ANAPC2: variants seen among roughly 807,000 people sequenced by gnomAD.
The protein encoded by ANAPC2 is anaphase promoting complex subunit 2.
ANAPC2 carries 29 observed loss-of-function variants against 84.3 expected under a neutral mutation model. The observed-to-expected ratio is 0.34, with a 90% CI of 0.26 to 0.47. ANAPC2 has a LOEUF of 0.47. ANAPC2 is among the 20% of genes least tolerant of loss of function. The pLI, the probability that ANAPC2 is intolerant of heterozygous loss-of-function variation, is 1.00. For missense variants in ANAPC2, 857 were observed against 1,131.7 expected (o/e 0.76, Z 3.48); for synonymous variants, 571 against 479.4 (o/e 1.19, Z -2.50).
chr9:137,181,562 C>CT, intron 7 of ANAPC2, 119 bp downstream of exon 7: 1 of 1,179,712 alleles, frequency 8.5e-7, no homozygotes, highest in African/African-American at 1.6e-5. Flanking sequence ...CCTCAAGCCT[C>CT]TGAGACACTA....
At chr9:137,185,278 C>T (rs777533553) in intron 3 of ANAPC2, among the ~76,000 whole-genome samples, 191 bp from the exon 4 acceptor site, 1 of 152,222 alleles carries the variant, frequency 6.6e-6, no homozygotes, top group Non-Finnish European at 1.5e-5. Flanking sequence ...GGCGACGTCC[C>T]GGCCCCCCTG....
intron 7 of ANAPC2, among the ~76,000 whole-genome samples, chr9:137,181,335 C>A (rs533071291): frequency 1.3e-5 from 2 of 152,224 alleles, no homozygotes; most frequent in Non-Finnish European, 2.9e-5. Flanking sequence ...GGCACCCTAA[C>A]GGGACTTTGA....
intron 10 of ANAPC2, chr9:137,176,770 TG>T (rs1213213977): frequency 6.6e-6 from 1 of 152,266 alleles, no homozygotes; most frequent in African/African-American, 2.4e-5. Flanking sequence ...GGCTGGCTGC[TG>T]CTCTGCTGTT....
chr9:137,183,781 G>C lies in ANAPC2; in HGVS notation c.1059C>G (p.Asp353Glu), dbSNP rs761381225. The change falls in exon 5 of 13, where the codon GAC becomes GAG. Residue 353 changes from aspartate (D) to glutamate (E), a missense_variant. Asp to Glu is a conservative substitution (Grantham distance 45). Coordinates refer to ENST00000323927, the MANE Select transcript of ANAPC2 (RefSeq NM_013366.4). ...ELFSIVRDFPDSRPAIEDLKY... is the reference protein window; with the variant it reads ...ELFSIVRDFPESRPAIEDLKY... ...TGAGGTCCTCGATGGCTGGCCGGGA[G>C]TCTGGGAAGTCTACAAGAAGAAGAA... 47 of 1,613,112 alleles carry C rather than the reference G, an allele frequency of 2.9e-5. No homozygotes were observed. The highest frequency in any genetic ancestry group is 4.0e-5 in the Non-Finnish European group (47 of 1,179,870).
intron 2 of ANAPC2, chr9:137,186,638 G>A (rs1834475926): frequency 2.2e-6 from 1 of 463,860 alleles, no homozygotes; most frequent in East Asian, 3.3e-5. Flanking sequence ...ATCAGTGGCA[G>A]CAGGTGTGGC....
At chr9:137,175,554 G>A (rs1834190418) in intron 11 of ANAPC2, 82 bp from the exon 12 acceptor site, 2 of 1,479,712 alleles carry the variant, frequency 1.4e-6, no homozygotes. Context: ...AGAGGTCGGG[G>A]GGCTCCCGGG....
At chr9:137,179,254 G>A (rs1029900699) in intron 10 of ANAPC2, among the ~76,000 whole-genome samples, 1 of 152,098 alleles carries the variant, frequency 6.6e-6, no homozygotes, top group Non-Finnish European at 1.5e-5. Context: ...CCAGTCCTGA[G>A]CACTCGCTGG....
Position 137,187,563 on chromosome 9 carries a change from G to A in ANAPC2, c.658C>T (p.Leu220=). 6.2e-7 allele frequency: 1 copy of A among 1,613,912 alleles called. No homozygotes were observed. The highest frequency in any genetic ancestry group is 8.5e-7 in the Non-Finnish European group (1 of 1,180,034). ...RRYYRLLQSP[L]CAGCSSDKQQ... The stretch of plus-strand genomic sequence containing the variant: ...TTGTCACTGCTGCACCCTGCACACA[G>A]CGGGCTCTGCAGGAGCCGGTAGTAC... The change falls in exon 2 of 13, where the codon CTG becomes TTG. Residue 220 remains leucine, a synonymous_variant. Transcript: ENST00000323927.
chr9:137,181,168 G>C (rs1051864567), intron 7 of ANAPC2, among the ~76,000 whole-genome samples: 1 of 152,222 alleles, frequency 6.6e-6, no homozygotes, highest in Non-Finnish European at 1.5e-5. Flanking sequence ...GCAGGCTTAG[G>C]GGACAAGCCA....
chr9:137,180,311 G>A lies in ANAPC2; in HGVS notation c.1760C>T (p.Pro587Leu). Residue 587 changes from proline (P) to leucine (L), a missense_variant, in exon 10 of 13, where the codon CCA becomes CTA. Physicochemically the swap from Pro to Leu is moderately conservative, Grantham distance 98 (BLOSUM62 -3). Coordinates refer to ENST00000323927, the MANE Select transcript of ANAPC2 (RefSeq NM_013366.4). ...EDEKRPAEEQ[P>L]PFGVYAVILS... ...GATGACAGCGTAGACCCCGAACGGT[G>A]GCTGCTCCTCTGCTGGCCGCTTCTC... 1 of 1,613,452 alleles carries A rather than the reference G, an allele frequency of 6.2e-7. No individual in the cohort carries two copies. The highest frequency in any genetic ancestry group is 2.2e-5 in the East Asian group (1 of 44,888).
At chr9:137,183,283 G>A (rs1834382588) in intron 5 of ANAPC2, 41 bp from the exon 6 acceptor site, 1 of 1,523,722 alleles carries the variant, frequency 6.6e-7, no homozygotes, top group African/African-American at 1.4e-5. Flanking sequence ...CAGTGCCCGG[G>A]ACCACAGCCT....
intron 3 of ANAPC2, 111 bp downstream of exon 3, chr9:137,186,113 G>T: frequency 1.3e-6 from 2 of 1,484,326 alleles, no homozygotes; most frequent in South Asian, 1.3e-5. Flanking sequence ...CACCCGGTCT[G>T]GGCCCACCCA....
At chr9:137,180,600 G>A (rs1461795921) in intron 8 of ANAPC2, 73 bp from the exon 9 acceptor site, 13 of 1,596,400 alleles carry the variant, frequency 8.1e-6, no homozygotes, top group Non-Finnish European at 1.1e-5. Context: ...GCAGGGCACG[G>A]GGGTGCCCCC....
chr9:137,175,551 G>T (rs976525508), intron 11 of ANAPC2, 79 bp from the exon 12 acceptor site: 4 of 1,482,440 alleles, frequency 2.7e-6, no homozygotes, highest in South Asian at 2.7e-5. Flanking sequence ...CCGAGAGGTC[G>T]GGGGGCTCCC....
chr9:137,188,348 A>T, intron 1 of ANAPC2, 68 bp downstream of exon 1: 1 of 1,508,142 alleles, frequency 6.6e-7, no homozygotes, highest in Non-Finnish European at 9.0e-7. Context: ...ACCCGAGGGT[A>T]GCGGCCCCAA....
At chr9:137,179,360 C>A (rs554353773) in intron 10 of ANAPC2, among the ~76,000 whole-genome samples, 5 of 152,166 alleles carry the variant, frequency 3.3e-5, no homozygotes, top group African/African-American at 1.2e-4. Flanking sequence ...CGAGCCGACA[C>A]CTCCCACCTG....
Position 137,175,537 on chromosome 9 carries a change from T to C in ANAPC2, c.2021-65A>G. 5 of 1,490,424 alleles carry C rather than the reference T, an allele frequency of 3.4e-6. No homozygotes were observed. In the South Asian group the frequency reaches 6.5e-5, roughly 19 times the overall value. The allele number at this position is 1,490,424 out of a possible 1,614,324, so 92.3% of individuals were successfully genotyped here. On this transcript the variant is annotated intron_variant, in intron 11 of 12. Transcript: ENST00000323927. ...CGGGCTGCACCTCCCCTGCCTCCCG[T>C]CAGCCGAGAGGTCGGGGGGCTCCCG...
At chr9:137,185,338 G>A (rs1834440839) in intron 3 of ANAPC2, among the ~76,000 whole-genome samples, 1 of 152,242 alleles carries the variant, frequency 6.6e-6, no homozygotes, top group African/African-American at 2.4e-5. Context: ...ATCACTGGCA[G>A]CAGCAACCCT....
intron 7 of ANAPC2, 56 bp from the exon 8 acceptor site, chr9:137,180,985 C>CTT: frequency 1.3e-6 from 2 of 1,589,906 alleles, no homozygotes; most frequent in Non-Finnish European, 1.7e-6. Context: ...AGGACAGGGC[C>CTT]GCCCTCCTCC....
Sources: gnomAD v4.1 joint callset for allele counts (sites outside exome capture counted in the v4.1 genomes callset) on GRCh38, gnomAD v4.1.1 for gene constraint, MANE v1.5 for transcripts, NCBI Gene and HGNC (gene_info 2026-07-23, HGNC 2026-07-21) for gene names.